Variants in SCAF4 observed in about 807,000 individuals in gnomAD.
SCAF4 encodes the protein SR-related and CTD-associated factor 4.
SCAF4 carries 25 observed loss-of-function variants against 129.8 expected under a neutral mutation model. That is an observed-to-expected ratio of 0.19 (90% confidence interval 0.14 to 0.27). SCAF4 has a LOEUF of 0.27. SCAF4 is among the 10% of genes least tolerant of loss of function. The pLI, the probability that SCAF4 is intolerant of heterozygous loss-of-function variation, is 1.00. For missense variants in SCAF4, 1,246 were observed against 1,457.1 expected, an observed-to-expected ratio of 0.86 and a Z score of 2.36; for synonymous variants, 551 against 497.7, an observed-to-expected ratio of 1.11 and a Z score of -1.43.
At chr21:31,675,253 T>A (rs1429119638) in intron 19 of SCAF4, among the ~76,000 whole-genome samples, 1 of 152,190 alleles carries the variant, frequency 6.6e-6, no homozygotes, top group African/African-American at 2.4e-5. Flanking sequence ...AACCTGGACT[T>A]TGACCTCTAG....
chr21:31,696,431 A>T (rs2123555536), intron 8 of SCAF4, 138 bp downstream of exon 8: 1 of 953,750 alleles, frequency 1.0e-6, no homozygotes, highest in South Asian at 2.1e-5. Flanking sequence ...TCCCTTCCTC[A>T]TTCAAGAGAA....
At chr21:31,709,070 T>C (rs1311331002) in intron 1 of SCAF4, among the ~76,000 whole-genome samples, 1 of 152,182 alleles carries the variant, frequency 6.6e-6, no homozygotes. Flanking sequence ...ATCTCTAATT[T>C]ATGGAGAAGC....
rs1473724587 is a variant in SCAF4 at position 31,672,372 on chromosome 21, T to A, written c.2489-18A>T. 6.9e-6 allele frequency: 11 copies of A among 1,583,256 alleles called. No homozygotes were observed. Among genetic ancestry groups the A allele is most frequent in the Non-Finnish European group, 9.5e-6 (11 of 1,153,740 alleles). ...TTGAGTGCCTAAAAGACGACAAAAA[T>A]AAAAATGTAAACACCACCGAAGATG... On this transcript the variant is annotated intron_variant, in intron 19 of 19. Transcript: ENST00000286835.
chr21:31,700,246 T>C (rs2050492107), intron 7 of SCAF4, among the ~76,000 whole-genome samples: 1 of 149,966 alleles, frequency 6.7e-6, no homozygotes, highest in South Asian at 2.1e-4. Flanking sequence ...ATAATACCTA[T>C]ATATTATTAA....
intron 1 of SCAF4, among the ~76,000 whole-genome samples, chr21:31,727,762 G>C (rs2051243090): frequency 6.6e-6 from 1 of 151,932 alleles, no homozygotes; most frequent in Non-Finnish European, 1.5e-5. Flanking sequence ...CTGCACTCCA[G>C]CGTGGTGACA....
At chr21:31,717,806 A>T (rs534042643) in intron 1 of SCAF4, among the ~76,000 whole-genome samples, 1,736 of 147,726 alleles carry the variant, frequency 0.012, 50 homozygotes, top group African/African-American at 0.042. Context: ...AAAAAAAAAA[A>T]ATTTTTGGGA....
intron 1 of SCAF4, among the ~76,000 whole-genome samples, chr21:31,717,400 T>C (rs1246380779): frequency 6.6e-6 from 1 of 152,160 alleles, no homozygotes; most frequent in Non-Finnish European, 1.5e-5. Context: ...AAAATGCTAA[T>C]GGTGTTTGAT....
At chr21:31,674,634 T>C (rs905755359) in intron 19 of SCAF4, among the ~76,000 whole-genome samples, 2 of 152,206 alleles carry the variant, frequency 1.3e-5, no homozygotes, top group Non-Finnish European at 2.9e-5. Flanking sequence ...CTGGCAAGCA[T>C]GCTAGCTAGG....
At chr21:31,689,987 C>T (rs1321930451) in intron 15 of SCAF4, among the ~76,000 whole-genome samples, 1 of 152,040 alleles carries the variant, frequency 6.6e-6, no homozygotes, top group East Asian at 1.9e-4. Context: ...CCATCCTATG[C>T]TCCTCCTGTT....
At chr21:31,674,453 C>T (rs1308430140) in intron 19 of SCAF4, among the ~76,000 whole-genome samples, 1 of 152,112 alleles carries the variant, frequency 6.6e-6, no homozygotes, top group African/African-American at 2.4e-5. Context: ...TCCTTTTAAC[C>T]CTTTGAGAGC....
Position 31,731,645 on chromosome 21 carries a change from G to A in SCAF4, c.30+18C>T. On this transcript the variant is annotated intron_variant, in intron 1 of 19. Transcript: ENST00000286835. ...CCCGCAGCAGGCCCGGCACCCCCCT[G>A]CCCCAAACACCCCTTACCTCCTGGT... is the stretch of plus-strand genomic sequence containing the variant. The A allele has an allele frequency of 6.3e-7, 1 of 1,589,484 alleles. No homozygotes were observed. The highest frequency in any genetic ancestry group is 8.5e-7 in the Non-Finnish European group (1 of 1,172,804).
Position 31,672,111 on chromosome 21 carries a change from G to A in SCAF4, c.2732C>T (p.Pro911Leu), listed in dbSNP as rs748819707. The change falls in exon 20 of 20, where the codon CCG becomes CTG. Residue 911 changes from proline (P) to leucine (L), a missense_variant. Pro to Leu is a moderately conservative substitution (Grantham distance 98). Around this residue, in one of 6 missense-constraint regions of SCAF4, gnomAD observed 339 missense variants for 325.0 expected, o/e 1.04. Coordinates refer to ENST00000286835, the MANE Select transcript of SCAF4 (RefSeq NM_020706.2). ...ACCAGGCCTAACAAAGGGGCCATGC[G>A]GTGGGAAGGGACCTTTCATTCCATG... ...PPHGMKGPFP[P>L]HGPFVRPGGM... 7.0e-5 allele frequency: 113 copies of A among 1,612,090 alleles called. No homozygotes were observed. The highest frequency in any genetic ancestry group is 9.0e-5 in the Non-Finnish European group (106 of 1,178,494).
intron 7 of SCAF4, 130 bp from the exon 8 acceptor site, chr21:31,696,880 T>C: frequency 1.3e-6 from 1 of 757,740 alleles, no homozygotes; most frequent in Non-Finnish European, 2.1e-6. Flanking sequence ...TATTTTCCCT[T>C]ATGCCCCTCA....
At position 31,702,222 on chromosome 21, in the gene SCAF4, T is replaced by G. The variant is rs1568847393; in HGVS notation, c.457+22A>C. On this transcript the variant is annotated intron_variant, in intron 5 of 19. Coordinates refer to ENST00000286835, the MANE Select transcript of SCAF4 (RefSeq NM_020706.2). Reference sequence around the variant, plus strand: ...CAAAAAATCATACCATTGTGTGAGCTCACAGATACATCTGACCATACCTTC... The same window carrying G: ...CAAAAAATCATACCATTGTGTGAGCGCACAGATACATCTGACCATACCTTC... 2.5e-6 allele frequency: 4 copies of G among 1,613,618 alleles called. No individual in the cohort carries two copies. The South Asian group carries it at 4.4e-5, about 18-fold the overall frequency.
intron 1 of SCAF4, among the ~76,000 whole-genome samples, chr21:31,713,369 T>C (rs930768973): frequency 6.6e-6 from 1 of 152,192 alleles, no homozygotes; most frequent in Non-Finnish European, 1.5e-5. Flanking sequence ...GGGATAACAG[T>C]AGTCCCTCCT....
intron 15 of SCAF4, 55 bp downstream of exon 15, chr21:31,690,742 A>C: frequency 6.6e-7 from 1 of 1,507,868 alleles, no homozygotes; most frequent in Non-Finnish European, 9.0e-7. Context: ...TCGATTTGTC[A>C]TATGTACTAC....
intron 1 of SCAF4, among the ~76,000 whole-genome samples, chr21:31,711,742 T>C (rs1161718764): frequency 2.0e-5 from 3 of 152,122 alleles, no homozygotes; most frequent in East Asian, 3.9e-4. Context: ...TGGGGAAAAA[T>C]TGCAATGTGG....
At chr21:31,684,050 T>A (rs1000645873) in intron 19 of SCAF4, 9 of 153,522 alleles carry the variant, frequency 5.9e-5, no homozygotes, top group African/African-American at 2.2e-4. Context: ...AAATAAAAAA[T>A]TCCAACAGTA....
At position 31,704,960 on chromosome 21, in the gene SCAF4, C is replaced by T. The variant is rs967284447; in HGVS notation, c.159+463G>A. 3.9e-5 allele frequency among the ~76,000 whole-genome samples: 6 copies of T among 152,164 alleles called. 1 individual carries two copies. Among genetic ancestry groups the T allele is most frequent in the Admixed American group, 3.3e-4 (5 of 15,282 alleles). On this transcript the variant is annotated intron_variant, in intron 3 of 19. Coordinates refer to ENST00000286835, the MANE Select transcript of SCAF4 (RefSeq NM_020706.2). ...GTCAGGGGTTAAGACAAAGATGTCT[C>T]AGTCTCTGTTTTCTATTTTCTACTG...
Sources: gnomAD v4.1 joint callset for allele counts (sites outside exome capture counted in the v4.1 genomes callset) on GRCh38, gnomAD v4.1.1 for gene constraint, gnomAD v4.1.1 regional missense constraint, MANE v1.5 for transcripts, NCBI Gene and HGNC (gene_info 2026-07-23, HGNC 2026-07-21) for gene names.